Variants in PCDHGA2 observed in about 807,000 individuals in gnomAD.
The protein encoded by PCDHGA2 is protocadherin gamma subfamily A, 2.
PCDHGA2 carries 40 observed loss-of-function variants against 59.2 expected under a neutral mutation model. The ratio of observed to expected loss-of-function variants is 0.68; its 90% CI spans 0.52 to 0.88. PCDHGA2 has a LOEUF of 0.88. PCDHGA2 is among the 40% of genes least tolerant of loss of function. The probability of loss-of-function intolerance (pLI) is 0.00; values close to 1 mark genes in which losing one functional copy is unlikely to be tolerated. For missense variants in PCDHGA2, 1,226 were observed against 1,204.0 expected, an observed-to-expected ratio of 1.02 and a Z score of -0.27; for synonymous variants, 560 against 526.0, an observed-to-expected ratio of 1.06 and a Z score of -0.89.
At chr5:141,436,200 T>C (rs1266606536) in intron 1 of PCDHGA2, among the ~76,000 whole-genome samples, 1 of 152,014 alleles carries the variant, frequency 6.6e-6, no homozygotes, top group African/African-American at 2.4e-5. Context: ...AAGAAAGACA[T>C]AATAGGAAAA....
chr5:141,393,553 A>T (rs377510269), intron 1 of PCDHGA2: 1 of 1,613,928 alleles, frequency 6.2e-7, no homozygotes, highest in African/African-American at 1.3e-5. Context: ...CACCCGATTT[A>T]CCGAGTGAAA....
intron 1 of PCDHGA2, chr5:141,388,888 T>C: frequency 6.2e-7 from 1 of 1,613,774 alleles, no homozygotes; most frequent in Non-Finnish European, 8.5e-7. Flanking sequence ...GAGGTAGAAG[T>C]CATAGATGAA....
At chr5:141,411,578 T>C (rs892738350) in intron 1 of PCDHGA2, 10 of 152,194 alleles carry the variant, frequency 6.6e-5, no homozygotes, top group African/African-American at 2.4e-4. Flanking sequence ...AGTGCGACCC[T>C]GTCTCTAAAA....
chr5:141,427,616 C>T (rs922511046), intron 1 of PCDHGA2: 1 of 693,880 alleles, frequency 1.4e-6, no homozygotes, highest in Non-Finnish European at 2.6e-6. Context: ...GTGAAGTCAA[C>T]GACAATGCTC....
At chr5:141,389,751 G>A (rs755499740) in intron 1 of PCDHGA2, 1 of 1,612,800 alleles carries the variant, frequency 6.2e-7, no homozygotes, top group Non-Finnish European at 8.5e-7. Flanking sequence ...GCGCACGGGC[G>A]AAGTGCGCAC....
At chr5:141,420,088 C>T in intron 1 of PCDHGA2, 5 of 1,614,002 alleles carry the variant, frequency 3.1e-6, no homozygotes, top group Non-Finnish European at 4.2e-6. Context: ...CCCCCAACTA[C>T]AGTGAGGGAA....
intron 1 of PCDHGA2, chr5:141,352,666 G>C (rs773765365): frequency 3.3e-5 from 52 of 1,585,710 alleles, no homozygotes; most frequent in Non-Finnish European, 4.4e-5. Flanking sequence ...CTTTGTCTTC[G>C]CACGTGAGTT....
chr5:141,430,235 G>T (rs1020445956), intron 1 of PCDHGA2, among the ~76,000 whole-genome samples: 3 of 128,670 alleles, frequency 2.3e-5, no homozygotes, highest in Non-Finnish European at 4.7e-5. Context: ...GTCAAAAAGA[G>T]AAACTCCTAG....
intron 1 of PCDHGA2, among the ~76,000 whole-genome samples, chr5:141,457,537 T>C (rs967428207): frequency 6.6e-6 from 1 of 152,228 alleles, no homozygotes; most frequent in Non-Finnish European, 1.5e-5. Context: ...TAGGGTTTAA[T>C]GACAAATGTA....
At chr5:141,376,041 C>G (rs781158382) in intron 1 of PCDHGA2, 1 of 1,613,218 alleles carries the variant, frequency 6.2e-7, no homozygotes, top group Non-Finnish European at 8.5e-7. Flanking sequence ...GGCCAGCCCC[C>G]TCTCTCCGCC....
chr5:141,421,562 A>G (rs1326874908), intron 1 of PCDHGA2: 1 of 1,613,992 alleles, frequency 6.2e-7, no homozygotes, highest in South Asian at 1.1e-5. Context: ...CTTCTCGTGG[A>G]AGACACCTTG....
intron 1 of PCDHGA2, chr5:141,372,762 A>G (rs1769049237): frequency 6.2e-7 from 1 of 1,612,570 alleles, no homozygotes; most frequent in South Asian, 1.1e-5. Flanking sequence ...TTGGTTTGAA[A>G]GTAATGACAA....
At chr5:141,387,725 C>A (rs986434485) in intron 1 of PCDHGA2, 2 of 1,183,102 alleles carry the variant, frequency 1.7e-6, no homozygotes, top group Non-Finnish European at 2.3e-6. Context: ...GACTCCCCAG[C>A]GCCAGCCTTT....
At position 141,388,702 on chromosome 5, in the gene PCDHGA2, T is replaced by G. The variant is rs201901866; in HGVS notation, c.2424+47307T>G. 3.2e-3 allele frequency: 5,096 copies of G among 1,613,936 alleles called. 17 individuals are homozygous for G. The highest frequency in any genetic ancestry group is 8.9e-3 in the Middle Eastern group (54 of 6,062). On this transcript the variant is annotated intron_variant, in intron 1 of 3. Coordinates refer to ENST00000394576, the MANE Select transcript of PCDHGA2 (RefSeq NM_018915.4). ...ACTGCCACGGACCAGGATGAGGGTG[T>G]CAATGCCGAGATTACTTTCTCTTTC...
Position 141,481,556 on chromosome 5 carries a change from G to A in PCDHGA2, c.2425-13251G>A, listed in dbSNP as rs553126587. Among the ~76,000 whole-genome samples the A allele has an allele frequency of 1.2e-4, 18 of 152,266 alleles. No homozygotes were observed. The South Asian group carries it at 1.4e-3, about 12-fold the overall frequency. On this transcript the variant is annotated intron_variant, in intron 1 of 3. Coordinates refer to ENST00000394576, the MANE Select transcript of PCDHGA2 (RefSeq NM_018915.4). ...GATGGGGCTGGGCTCAGTGGCTCAC[G>A]CCTGTAATCCCAGTACTTAGGGAGG...
In PCDHGA2 at chr5:141,490,601, T is replaced by C. The variant is rs777393370; in HGVS notation, c.2425-4206T>C. 1 of 1,614,176 alleles carries C rather than the reference T, an allele frequency of 6.2e-7. No homozygotes were observed. The highest frequency in any genetic ancestry group is 8.5e-7 in the Non-Finnish European group (1 of 1,180,030). ...GATGTCAATGACAATGCACCCCGCTTCAACCAGCAGCTTTACACTGCTTAC... is the reference window on the plus strand; with the variant it reads ...GATGTCAATGACAATGCACCCCGCTCCAACCAGCAGCTTTACACTGCTTAC... On this transcript the variant is annotated intron_variant, in intron 1 of 3. Transcript: ENST00000394576. This position sits in a 1 kb window ranked among gnomAD's most constrained non-coding sequence, Gnocchi z 5.4.
At chr5:141,391,305 T>G (rs2092341171) in intron 1 of PCDHGA2, 1 of 151,546 alleles carries the variant, frequency 6.6e-6, no homozygotes, top group Non-Finnish European at 1.5e-5. Context: ...GTCTTTCGAT[T>G]CTTTTTTTTT....
Position 141,432,970 on chromosome 5 carries a change from G to C in PCDHGA2, c.2425-61837G>C, listed in dbSNP as rs371130763. On this transcript the variant is annotated intron_variant, in intron 1 of 3. Transcript: ENST00000394576. This position sits in a 1 kb window ranked among gnomAD's most constrained non-coding sequence, Gnocchi z 6.0. ...GAGGCGGCTTGACAGGAGCGCCGGC[G>C]TCGCACTTTGTGGGCGTGGACGGGG... is the stretch of plus-strand genomic sequence containing the variant. 25 of 1,614,114 alleles carry C rather than the reference G, an allele frequency of 1.5e-5. No individual in the cohort carries two copies. Among genetic ancestry groups the C allele is most frequent in the African/African-American group, 1.1e-4 (8 of 75,054 alleles).
Position 141,387,188 on chromosome 5 carries a change from A to AT in PCDHGA2, c.2424+45797dup, listed in dbSNP as rs756053244. On this transcript the variant is annotated intron_variant, in intron 1 of 3. Transcript: ENST00000394576. ...TATAAATTGCACCTTCTAAAAGGCA[A>AT]TTTTGGTATTACTGATACTCTCCGG... is the stretch of plus-strand genomic sequence containing the variant. Among the ~76,000 whole-genome samples the AT allele has an allele frequency of 1.8e-3, 273 of 152,232 alleles. 6 individuals carry two copies. Among genetic ancestry groups the AT allele is most frequent in the Non-Finnish European group, 6.8e-4 (46 of 68,046 alleles).
Sources: gnomAD v4.1 joint callset for allele counts (sites outside exome capture counted in the v4.1 genomes callset) on GRCh38, gnomAD v4.1.1 for gene constraint, Gnocchi (gnomAD v3.1) non-coding constraint, MANE v1.5 for transcripts, NCBI Gene and HGNC (gene_info 2026-07-23, HGNC 2026-07-21) for gene names.